Variants in REDIC1 observed in about 807,000 individuals in gnomAD.
REDIC1 encodes the protein regulator of DNA class I crossover intermediates 1.
the REDIC1 span, among the ~76,000 whole-genome samples, chr12:39,701,630 A>G: frequency 1.3e-5 from 2 of 152,166 alleles, no homozygotes; most frequent in African/African-American, 2.4e-5. Context: ...AATCAACACA[A>G]TATACATTTT....
the REDIC1 span, among the ~76,000 whole-genome samples, chr12:39,640,321 A>T: frequency 6.6e-6 from 1 of 151,932 alleles, no homozygotes; most frequent in South Asian, 2.1e-4. Context: ...CATTCACCAG[A>T]TATCAAATCT....
chr12:39,827,225 C>G, the REDIC1 span, among the ~76,000 whole-genome samples: 1 of 151,956 alleles, frequency 6.6e-6, no homozygotes, highest in African/African-American at 2.4e-5. Context: ...CTCATGGTTC[C>G]CACTTCACAA....
the REDIC1 span, among the ~76,000 whole-genome samples, chr12:39,636,020 A>G: frequency 6.6e-6 from 1 of 152,142 alleles, no homozygotes; most frequent in African/African-American, 2.4e-5. Context: ...AATTTTAGAG[A>G]TAGTACTAAT....
chr12:39,779,565 A>T, the REDIC1 span, among the ~76,000 whole-genome samples: 1 of 152,194 alleles, frequency 6.6e-6, no homozygotes, highest in South Asian at 2.1e-4. Flanking sequence ...AATGTTAATT[A>T]AAAAAATTAA....
the REDIC1 span, among the ~76,000 whole-genome samples, chr12:39,842,000 T>C: frequency 2.0e-5 from 3 of 152,078 alleles, no homozygotes; most frequent in Non-Finnish European, 2.9e-5. Context: ...AATTCTTACA[T>C]TGGCATCATG....
At chr12:39,697,637 T>C in the REDIC1 span, among the ~76,000 whole-genome samples, 1 of 152,226 alleles carries the variant, frequency 6.6e-6, no homozygotes, top group Admixed American at 6.5e-5. Flanking sequence ...GTAGAGTTTT[T>C]ATTAGTTTTC....
chr12:39,832,910 C>T, the REDIC1 span, among the ~76,000 whole-genome samples: 2 of 152,096 alleles, frequency 1.3e-5, no homozygotes, highest in Non-Finnish European at 2.9e-5. Context: ...CACTATAGAG[C>T]AGATGAGTAG....
chr12:39,770,176 A>G, the REDIC1 span, among the ~76,000 whole-genome samples: 1 of 151,932 alleles, frequency 6.6e-6, no homozygotes. Context: ...CTCTCTCATA[A>G]TCATCTCATC....
At chr12:39,630,376 C>G in the REDIC1 span, among the ~76,000 whole-genome samples, 4 of 152,108 alleles carry the variant, frequency 2.6e-5, no homozygotes, top group South Asian at 6.2e-4. Context: ...GGGAATCAAT[C>G]AATGTCATAA....
At chr12:39,905,822 G>GAAAA in the REDIC1 span, among the ~76,000 whole-genome samples, 63,267 of 145,144 alleles carry the variant, frequency 0.44, 14,057 homozygotes, top group East Asian at 0.67. Context: ...AAAATGCCCA[G>GAAAA]AAAAAAAAAA....
At chr12:39,659,164 G>A in the REDIC1 span, among the ~76,000 whole-genome samples, 1 of 151,902 alleles carries the variant, frequency 6.6e-6, no homozygotes, top group Admixed American at 6.6e-5. Flanking sequence ...TTTCCAACTA[G>A]AAGTTTGCTG....
At chr12:39,783,177 A>G in the REDIC1 span, among the ~76,000 whole-genome samples, 2 of 152,140 alleles carry the variant, frequency 1.3e-5, no homozygotes, top group African/African-American at 4.8e-5. Context: ...AGCTTCATCC[A>G]TGTCCCTACG....
the REDIC1 span, among the ~76,000 whole-genome samples, chr12:39,853,607 C>CTTTTTT: frequency 7.3e-6 from 1 of 136,140 alleles, no homozygotes; most frequent in Admixed American, 7.4e-5. Context: ...TTCTTTCTTT[C>CTTTTTT]TTTTTTTTTT....
At chr12:39,640,336 G>T in the REDIC1 span, among the ~76,000 whole-genome samples, 5 of 151,902 alleles carry the variant, frequency 3.3e-5, no homozygotes, top group Non-Finnish European at 4.4e-5. Context: ...AAATCTGTTG[G>T]TGCCTTGATC....
At chr12:39,793,845 T>C in the REDIC1 span, among the ~76,000 whole-genome samples, 1 of 152,022 alleles carries the variant, frequency 6.6e-6, no homozygotes, top group East Asian at 1.9e-4. Context: ...TCCCAGAACA[T>C]TATCTTGAAC....
At chr12:39,855,748 A>G in the REDIC1 span, among the ~76,000 whole-genome samples, 2 of 152,230 alleles carry the variant, frequency 1.3e-5, no homozygotes, top group Admixed American at 1.3e-4. Flanking sequence ...ACTTTCAGCT[A>G]CTAAAACCAG....
the REDIC1 span, among the ~76,000 whole-genome samples, chr12:39,788,119 G>T: frequency 1.3e-5 from 2 of 152,048 alleles, no homozygotes; most frequent in Non-Finnish European, 2.9e-5. Flanking sequence ...CTTATGTACT[G>T]TTGTTCACCT....
At chr12:39,743,858 G>A in the REDIC1 span, among the ~76,000 whole-genome samples, 1 of 152,038 alleles carries the variant, frequency 6.6e-6, no homozygotes, top group Non-Finnish European at 1.5e-5. Flanking sequence ...ACTACAAAAG[G>A]TATAACATAC....
the REDIC1 span, chr12:39,871,876 T>C: frequency 6.2e-7 from 1 of 1,612,180 alleles, no homozygotes; most frequent in Admixed American, 1.7e-5. Context: ...AAAATGAAAT[T>C]TGTGAAGGCT....
Sources: gnomAD v4.1 joint callset for allele counts (sites outside exome capture counted in the v4.1 genomes callset) on GRCh38, gnomAD v4.1.1 for gene constraint, MANE v1.5 for transcripts, NCBI Gene and HGNC (gene_info 2026-07-23, HGNC 2026-07-21) for gene names.